Variants in ACYP2 observed in about 807,000 individuals in gnomAD.
The protein encoded by ACYP2 is acylphosphatase-2.
ACYP2 carries 12 observed loss-of-function variants against 11.2 expected under a neutral mutation model. The ratio of observed to expected loss-of-function variants is 1.08; its 90% CI spans 0.69 to 1.74. The LOEUF is 1.74. Ranked by LOEUF, ACYP2 falls within the 40% of genes most tolerant of loss-of-function variation. The pLI, the probability that ACYP2 is intolerant of heterozygous loss-of-function variation, is 0.00. For missense variants in ACYP2, 134 were observed against 101.9 expected (o/e 1.31, Z -1.35); for synonymous variants, 43 against 32.2 (o/e 1.33, Z -1.13).
At chr2:54,073,962 A>G (rs1378841253) in intron 4 of ACYP2, among the ~76,000 whole-genome samples, 1 of 152,240 alleles carries the variant, frequency 6.6e-6, no homozygotes, top group Non-Finnish European at 1.5e-5. Context: ...AATTCTTTGG[A>G]AACAGTCTGG....
At chr2:53,987,081 C>G (rs957228966) in intron 2 of ACYP2, among the ~76,000 whole-genome samples, 7 of 152,108 alleles carry the variant, frequency 4.6e-5, no homozygotes, top group Non-Finnish European at 1.0e-4. Context: ...CAAAATCAGA[C>G]ACACAAGAGC....
intron 4 of ACYP2, among the ~76,000 whole-genome samples, chr2:54,114,813 G>T (rs1391692003): frequency 6.6e-6 from 1 of 152,160 alleles, no homozygotes; most frequent in Non-Finnish European, 1.5e-5. Context: ...TCTTATCCCA[G>T]AAAATATCAC....
At chr2:54,256,848 A>G (rs1687563858) in intron 6 of ACYP2, among the ~76,000 whole-genome samples, 1 of 147,074 alleles carries the variant, frequency 6.8e-6, no homozygotes, top group South Asian at 2.2e-4. Context: ...TTGTATTTTT[A>G]GTCAAGACAT....
intron 6 of ACYP2, among the ~76,000 whole-genome samples, chr2:54,219,130 T>C (rs930195257): frequency 1.3e-5 from 2 of 152,194 alleles, no homozygotes; most frequent in African/African-American, 4.8e-5. Flanking sequence ...ATAAATTCCA[T>C]ATGCACAGCT....
At chr2:54,285,617 A>G (rs921553517) in intron 6 of ACYP2, among the ~76,000 whole-genome samples, 3 of 152,126 alleles carry the variant, frequency 2.0e-5, no homozygotes, top group South Asian at 4.1e-4. Flanking sequence ...CTCTCCTTCT[A>G]TTGTAATACA....
chr2:54,022,176 C>G (rs1674041124), intron 2 of ACYP2, among the ~76,000 whole-genome samples: 1 of 151,728 alleles, frequency 6.6e-6, no homozygotes. Flanking sequence ...TCCTTCCCTC[C>G]TTCCCTTCTT....
chr2:54,124,961 C>T (rs1369820147), intron 4 of ACYP2, among the ~76,000 whole-genome samples: 1 of 152,048 alleles, frequency 6.6e-6, no homozygotes, highest in Non-Finnish European at 1.5e-5. Flanking sequence ...ACCATGTTGC[C>T]CAGGCTGGTC....
At chr2:54,253,676 C>T (rs1687343321) in intron 6 of ACYP2, 1 of 152,226 alleles carries the variant, frequency 6.6e-6, no homozygotes, top group South Asian at 2.1e-4. Context: ...CCTTTTTGTT[C>T]AGTTTTCCCT....
chr2:54,022,821 C>G (rs149879026), intron 2 of ACYP2, among the ~76,000 whole-genome samples: 1 of 152,144 alleles, frequency 6.6e-6, no homozygotes, highest in Non-Finnish European at 1.5e-5. Context: ...GATGGAGAGA[C>G]GCCTCCCAAG....
At chr2:54,266,959 G>A (rs1432155583) in intron 6 of ACYP2, among the ~76,000 whole-genome samples, 20 of 152,070 alleles carry the variant, frequency 1.3e-4, no homozygotes, top group Admixed American at 1.1e-3. Context: ...ATGGCGAGGC[G>A]AAGAAATGAA....
At chr2:54,087,590 A>G (rs549079971) in intron 4 of ACYP2, among the ~76,000 whole-genome samples, 19 of 152,264 alleles carry the variant, frequency 1.2e-4, no homozygotes, top group African/African-American at 3.6e-4. Flanking sequence ...GGCTCAAGCA[A>G]TCTGTCTGCC....
chr2:54,108,214 G>C (rs1473471181), intron 4 of ACYP2, among the ~76,000 whole-genome samples: 2 of 152,170 alleles, frequency 1.3e-5, no homozygotes, highest in Non-Finnish European at 2.9e-5. Flanking sequence ...TAATTCTGCT[G>C]GTGGAAACTC....
intron 4 of ACYP2, among the ~76,000 whole-genome samples, chr2:54,107,078 T>G (rs1679207103): frequency 6.6e-6 from 1 of 152,286 alleles, no homozygotes; most frequent in African/African-American, 2.4e-5. Context: ...ACTAGCTTCC[T>G]GAAGACTGAA....
chr2:54,019,882 A>C (rs560224353), intron 2 of ACYP2, among the ~76,000 whole-genome samples: 13 of 151,594 alleles, frequency 8.6e-5, no homozygotes, highest in Admixed American at 7.9e-4. Flanking sequence ...GGCCTTCCAA[A>C]GTGCTGGGAT....
intron 6 of ACYP2, chr2:54,142,158 A>C (rs1420185649): frequency 3.5e-5 from 13 of 369,554 alleles, no homozygotes; most frequent in Non-Finnish European, 5.8e-5. Context: ...ACAAAAATAA[A>C]CTTTATTTTT....
At chr2:53,996,218 A>G (rs1409210033) in intron 2 of ACYP2, among the ~76,000 whole-genome samples, 3 of 152,148 alleles carry the variant, frequency 2.0e-5, no homozygotes, top group African/African-American at 7.2e-5. Flanking sequence ...ATTCCTTGAT[A>G]GATACATCCA....
chr2:54,095,756 C>T (rs1265124073), intron 4 of ACYP2, among the ~76,000 whole-genome samples: 1 of 133,042 alleles, frequency 7.5e-6, no homozygotes, highest in Non-Finnish European at 1.6e-5. Context: ...CGCCCCTCAC[C>T]TCCCGGACGG....
intron 6 of ACYP2, among the ~76,000 whole-genome samples, chr2:54,301,501 G>A (rs1689725659): frequency 6.6e-6 from 1 of 151,840 alleles, no homozygotes; most frequent in African/African-American, 2.4e-5. Flanking sequence ...ACTGAGGAAA[G>A]GAATTCCATT....
At chr2:54,232,027 A>T (rs1475206126) in intron 6 of ACYP2, among the ~76,000 whole-genome samples, 2 of 152,198 alleles carry the variant, frequency 1.3e-5, no homozygotes, top group Non-Finnish European at 2.9e-5. Context: ...TATTCTAGCC[A>T]TTGCTTTGCA....
Sources: allele counts gnomAD v4.1 joint callset (sites outside exome capture counted in the v4.1 genomes callset), GRCh38; gene constraint gnomAD v4.1.1; transcripts MANE v1.5; gene names NCBI Gene and HGNC (gene_info 2026-07-23, HGNC 2026-07-21).